Variants in CSGALNACT1 observed in about 807,000 individuals in gnomAD.
CSGALNACT1 encodes the protein beta4GalNAcT-1.
A neutral mutation model predicts 51.0 loss-of-function variants in CSGALNACT1; 52 were observed. The observed-to-expected ratio is 1.02, with a 90% CI of 0.82 to 1.29. The LOEUF (loss-of-function observed/expected upper bound fraction) is 1.29, where lower values mean the gene tolerates loss of function less well. Ranked by LOEUF, CSGALNACT1 falls within the 50% of genes most tolerant of loss-of-function variation. The pLI is 0.00. For synonymous variants in CSGALNACT1, 341 were observed against 254.4 expected (o/e 1.34, Z -3.24); for missense variants, 935 against 679.2 (o/e 1.38, Z -4.19).
At chr8:19,473,868 T>G (rs963903034) in intron 4 of CSGALNACT1, among the ~76,000 whole-genome samples, 1 of 152,176 alleles carries the variant, frequency 6.6e-6, no homozygotes, top group Non-Finnish European at 1.5e-5. Flanking sequence ...AAGAAAAGAA[T>G]TATAAGCCCA....
intron 1 of CSGALNACT1, among the ~76,000 whole-genome samples, chr8:19,628,916 G>T (rs1052565203): frequency 6.6e-6 from 1 of 152,126 alleles, no homozygotes; most frequent in African/African-American, 2.4e-5. Flanking sequence ...GCATGCAAAG[G>T]CCTGGGAAGT....
intron 3 of CSGALNACT1, among the ~76,000 whole-genome samples, chr8:19,571,997 C>T (rs1693234516): frequency 6.6e-6 from 1 of 152,188 alleles, no homozygotes; most frequent in Admixed American, 6.5e-5. Context: ...GGGGTTCCCA[C>T]ATCAATGGAA....
chr8:19,474,615 C>T (rs1221678216), intron 4 of CSGALNACT1, among the ~76,000 whole-genome samples: 3 of 152,032 alleles, frequency 2.0e-5, no homozygotes, highest in Non-Finnish European at 4.4e-5. Context: ...CACCTATAAT[C>T]CCAACACTTT....
intron 3 of CSGALNACT1, among the ~76,000 whole-genome samples, chr8:19,530,968 C>T (rs891597249): frequency 1.1e-4 from 17 of 152,204 alleles, no homozygotes; most frequent in African/African-American, 3.9e-4. Context: ...CCCACAGAAA[C>T]TGTCATCAGT....
chr8:19,666,999 GAAAGAAAGA>G (rs2059363698), intron 1 of CSGALNACT1, among the ~76,000 whole-genome samples: 135 of 25,904 alleles, frequency 5.2e-3, no homozygotes, highest in Middle Eastern at 0.025. Flanking sequence ...AAGAAAGAAA[GAAAGAAAGA>G]AAGAAAGAAA....
At chr8:19,569,953 T>C (rs13281882) in intron 3 of CSGALNACT1, among the ~76,000 whole-genome samples, 28,841 of 152,100 alleles carry the variant, frequency 0.19, 4,663 homozygotes, top group African/African-American at 0.44. Flanking sequence ...TAAAGGAAGA[T>C]ATACTCTATG....
At chr8:19,566,934 C>T (rs1020946100) in intron 3 of CSGALNACT1, among the ~76,000 whole-genome samples, 6 of 152,142 alleles carry the variant, frequency 3.9e-5, no homozygotes, top group African/African-American at 1.4e-4. Context: ...ATGAGAAAGC[C>T]AGGAGACTCC....
At chr8:19,623,271 G>A (rs2054052850) in intron 1 of CSGALNACT1, among the ~76,000 whole-genome samples, 1 of 152,116 alleles carries the variant, frequency 6.6e-6, no homozygotes, top group Admixed American at 6.5e-5. Context: ...GAAAAAAGTG[G>A]ATGAATTAAA....
At position 19,677,642 on chromosome 8, in the gene CSGALNACT1, G is replaced by C. The variant is rs184983852; in HGVS notation, c.-544+4831C>G. ...CAGTCTATAAGTTCAGATGTGGATA[G>C]GTTTGTAAATTTAGTATTGAATGTA... is the stretch of plus-strand genomic sequence containing the variant. On this transcript the variant is annotated intron_variant, in intron 1 of 9. Transcript: ENST00000332246. Among the ~76,000 whole-genome samples the C allele has an allele frequency of 2.6e-3, 392 of 152,224 alleles. 9 individuals are homozygous for C. The highest frequency in any genetic ancestry group is 0.025 in the Admixed American group (384 of 15,286).
chr8:19,558,604 C>T (rs960094883), intron 3 of CSGALNACT1, among the ~76,000 whole-genome samples: 3 of 152,066 alleles, frequency 2.0e-5, no homozygotes, highest in African/African-American at 7.2e-5. Flanking sequence ...TAGATGTTTA[C>T]TTTTTAAACT....
chr8:19,587,353 C>T (rs923838380), intron 3 of CSGALNACT1, among the ~76,000 whole-genome samples: 32 of 152,120 alleles, frequency 2.1e-4, no homozygotes, highest in African/African-American at 7.5e-4. Flanking sequence ...TCAGATTTTC[C>T]CCAAATGCAG....
intron 1 of CSGALNACT1, among the ~76,000 whole-genome samples, chr8:19,649,811 C>A (rs1184393976): frequency 1.8e-4 from 2 of 11,170 alleles, no homozygotes; most frequent in African/African-American, 3.1e-4. Flanking sequence ...TAAATGCATT[C>A]CAAGTAGCAA....
chr8:19,711,947 C>T (rs186609001), intron 1 of CSGALNACT1, among the ~76,000 whole-genome samples: 59 of 152,272 alleles, frequency 3.9e-4, no homozygotes, highest in Non-Finnish European at 7.5e-4. Context: ...GGTGCTAAAC[C>T]CATTGGACAG....
chr8:19,409,072 G>C (rs1309531070), intron 8 of CSGALNACT1, among the ~76,000 whole-genome samples: 1 of 152,146 alleles, frequency 6.6e-6, no homozygotes, highest in Non-Finnish European at 1.5e-5. Flanking sequence ...GCGAGAATCG[G>C]AGGCTTGGGC....
At chr8:19,441,798 G>C in intron 5 of CSGALNACT1, among the ~76,000 whole-genome samples, 1 of 151,992 alleles carries the variant, frequency 6.6e-6, no homozygotes, top group Non-Finnish European at 1.5e-5. Flanking sequence ...CAGAATGGGA[G>C]AAAATTTTTG....
At chr8:19,478,094 G>A (rs2153898660) in intron 4 of CSGALNACT1, among the ~76,000 whole-genome samples, 1 of 152,018 alleles carries the variant, frequency 6.6e-6, no homozygotes, top group Middle Eastern at 3.4e-3. Flanking sequence ...TGGTTACACA[G>A]TGGAATCATT....
chr8:19,646,804 C>G (rs1202197341), intron 1 of CSGALNACT1, among the ~76,000 whole-genome samples: 1 of 152,104 alleles, frequency 6.6e-6, no homozygotes, highest in Non-Finnish European at 1.5e-5. Flanking sequence ...TAAATGGTAC[C>G]TACTGTGAAG....
At chr8:19,580,696 A>G (rs933878074) in intron 3 of CSGALNACT1, among the ~76,000 whole-genome samples, 3 of 152,208 alleles carry the variant, frequency 2.0e-5, no homozygotes, top group Non-Finnish European at 4.4e-5. Flanking sequence ...CAAGATACAA[A>G]ACTGGTAATA....
chr8:19,602,056 TA>T (rs201423906), exon 1 of CSGALNACT1: 71 of 310,036 alleles, frequency 2.3e-4, no homozygotes, highest in Admixed American at 3.4e-4. Context: ...ACTATTTGTT[TA>T]AAAAAAAATC....
Sources: allele counts gnomAD v4.1 joint callset (sites outside exome capture counted in the v4.1 genomes callset), GRCh38; gene constraint gnomAD v4.1.1; transcripts MANE v1.5; gene names NCBI Gene and HGNC (gene_info 2026-07-23, HGNC 2026-07-21).